The following GALK2 variants were observed in gnomAD, a reference collection of about 807,000 sequenced individuals.
GALK2 encodes galactokinase 2.
In GALK2, 36 loss-of-function variants were observed where a neutral mutation model predicts 52.4. The ratio of observed to expected loss-of-function variants is 0.69; its 90% CI spans 0.53 to 0.91. The LOEUF is 0.91. Ranked by LOEUF, GALK2 falls within the 40% of genes least tolerant of loss-of-function variation. GALK2 has a pLI of 0.00. For synonymous variants in GALK2, 176 were observed against 199.1 expected, an observed-to-expected ratio of 0.88 and a Z score of 0.98; for missense variants, 579 against 559.1, an observed-to-expected ratio of 1.04 and a Z score of -0.36.
intron 5 of GALK2, among the ~76,000 whole-genome samples, chr15:49,251,060 A>T (rs538652481): frequency 5.3e-5 from 8 of 152,212 alleles, no homozygotes; most frequent in Non-Finnish European, 1.0e-4. Flanking sequence ...TTGTATTATG[A>T]GGCCAGTAAA....
chr15:49,261,041 G>T (rs1448775467), intron 5 of GALK2, among the ~76,000 whole-genome samples: 2 of 151,956 alleles, frequency 1.3e-5, no homozygotes, highest in African/African-American at 2.4e-5. Flanking sequence ...GATTGGCTTG[G>T]CAATGCAGGC....
At chr15:49,367,340 T>C (rs2151453700) in intron 3 of GALK2, 1 of 1,010,114 alleles carries the variant, frequency 9.9e-7, no homozygotes. Flanking sequence ...AACAGAAGCA[T>C]TGATAAAACA....
chr15:49,161,766 T>C, intron 1 of GALK2: 1 of 188,478 alleles, frequency 5.3e-6, no homozygotes, highest in Non-Finnish European at 1.1e-5. Context: ...TTGCCCAGTC[T>C]AGAGTGCAGT....
chr15:49,306,010 A>C (rs947816704), intron 8 of GALK2, among the ~76,000 whole-genome samples: 1 of 152,206 alleles, frequency 6.6e-6, no homozygotes, highest in Non-Finnish European at 1.5e-5. Flanking sequence ...TGAAAGTGAA[A>C]GATTTTTATC....
chr15:49,320,860 A>T (rs2036814302), intron 9 of GALK2, among the ~76,000 whole-genome samples: 3 of 152,332 alleles, frequency 2.0e-5, no homozygotes, highest in South Asian at 4.1e-4. Context: ...CAGTTCTGGA[A>T]ATAAGAGGAA....
At chr15:49,278,156 G>T (rs1355877652) in intron 5 of GALK2, among the ~76,000 whole-genome samples, 2 of 152,228 alleles carry the variant, frequency 1.3e-5, no homozygotes, top group East Asian at 3.9e-4. Flanking sequence ...AGCTACTGGG[G>T]AGGCTGAGGC....
At chr15:49,352,806 TC>T (rs1375777021) in intron 3 of GALK2, among the ~76,000 whole-genome samples, 1 of 152,102 alleles carries the variant, frequency 6.6e-6, no homozygotes, top group Non-Finnish European at 1.5e-5. Flanking sequence ...CCCAAGCAGT[TC>T]CCTATCTTGC....
chr15:49,281,343 T>TAAA (rs2032665834), intron 5 of GALK2, among the ~76,000 whole-genome samples: 2 of 152,188 alleles, frequency 1.3e-5, no homozygotes, highest in South Asian at 4.1e-4. Context: ...GGTCCCAGAT[T>TAAA]TTGGAAGCCT....
downstream of GALK2, among the ~76,000 whole-genome samples, chr15:49,335,920 A>G (rs565263536): frequency 3.1e-4 from 47 of 152,266 alleles, 1 homozygote; most frequent in African/African-American, 1.1e-3. Context: ...TAACATGATC[A>G]TAGTTCACTG....
chr15:49,243,412 T>C (rs1202849747), intron 5 of GALK2, among the ~76,000 whole-genome samples: 1 of 152,154 alleles, frequency 6.6e-6, no homozygotes, highest in Non-Finnish European at 1.5e-5. Flanking sequence ...AGCAGGAATG[T>C]TGGAGGATCC....
Position 49,329,481 on chromosome 15 carries a change from G to A in GALK2, c.*1322G>A. ...CATTAATGTTTAACTCACAGATTGG[G>A]CATCACCATCTAGAATTTCAGTTTA... On this transcript the variant is annotated 3_prime_UTR_variant, in exon 10 of 10. Coordinates refer to ENST00000560031, the MANE Select transcript of GALK2 (RefSeq NM_002044.4). The A allele has an allele frequency of 2.0e-6, 2 of 985,168 alleles. No individual in the cohort carries two copies. Among genetic ancestry groups the A allele is most frequent in the South Asian group, 9.4e-5 (2 of 21,278 alleles). 61.0% of individuals were successfully genotyped at this position (985,168 alleles called of 1,614,324 possible).
intron 5 of GALK2, among the ~76,000 whole-genome samples, chr15:49,280,611 T>C (rs1283276450): frequency 6.6e-6 from 1 of 152,082 alleles, no homozygotes; most frequent in Non-Finnish European, 1.5e-5. Context: ...AGGCAAGAGA[T>C]GATTATATCA....
At chr15:49,233,762 A>C (rs1235913974) in intron 3 of GALK2, among the ~76,000 whole-genome samples, 1 of 152,202 alleles carries the variant, frequency 6.6e-6, no homozygotes, top group African/African-American at 2.4e-5. Context: ...GAAAGCAGCT[A>C]AACCTCTTTG....
chr15:49,326,119 A>G (rs973916423), intron 9 of GALK2, among the ~76,000 whole-genome samples: 3 of 152,208 alleles, frequency 2.0e-5, no homozygotes, highest in Admixed American at 6.5e-5. Flanking sequence ...AAGAAGGCAC[A>G]GTATTCTTCT....
chr15:49,366,613 G>A lies in GALK2; in HGVS notation c.427-878G>A, dbSNP rs1217154361. ...ACGCATGCAAGATTGCTTCCTGAGC[G>A]GCTGTCAGCTGGAGCAGGAAGCCCC... is the stretch of plus-strand genomic sequence containing the variant. On this transcript the variant is annotated intron_variant, in intron 3 of 3. Transcript: ENST00000558399. The A allele has an allele frequency of 3.8e-6, 6 of 1,596,502 alleles. No individual in the cohort carries two copies. In the East Asian group the frequency reaches 1.1e-4, roughly 30 times the overall value.
At chr15:49,228,624 C>T (rs117582142) in intron 3 of GALK2, among the ~76,000 whole-genome samples, 16,176 of 104,946 alleles carry the variant, frequency 0.15, 1,716 homozygotes, top group Non-Finnish European at 0.22. Context: ...AATTTTTTTC[C>T]GATTTCTTTG....
chr15:49,261,648 T>G (rs1310495787), intron 5 of GALK2, among the ~76,000 whole-genome samples: 1 of 151,704 alleles, frequency 6.6e-6, no homozygotes, highest in Non-Finnish European at 1.5e-5. Context: ...CTTGTGCCAC[T>G]TTTCAAAGGG....
At chr15:49,276,310 GTGTT>G (rs746765766) in intron 5 of GALK2, among the ~76,000 whole-genome samples, 2 of 80,678 alleles carry the variant, frequency 2.5e-5, no homozygotes, top group East Asian at 6.0e-4. Flanking sequence ...TTCAGGTTGT[GTGTT>G]TGTGTTTGTG....
At chr15:49,362,026 G>A (rs1212092434) in intron 3 of GALK2, among the ~76,000 whole-genome samples, 1 of 152,048 alleles carries the variant, frequency 6.6e-6, no homozygotes, top group African/African-American at 2.4e-5. Flanking sequence ...ATATGCTTGT[G>A]GGTTACGTGT....
Sources: gnomAD v4.1 joint callset for allele counts (sites outside exome capture counted in the v4.1 genomes callset) on GRCh38, gnomAD v4.1.1 for gene constraint, MANE v1.5 for transcripts, NCBI Gene and HGNC (gene_info 2026-07-23, HGNC 2026-07-21) for gene names.